PACRG: variants seen among roughly 807,000 people sequenced by gnomAD.
The protein encoded by PACRG is parkin coregulated gene protein.
In PACRG, 29 loss-of-function variants were observed where a neutral mutation model predicts 29.7. That is an observed-to-expected ratio of 0.98 (90% CI 0.73 to 1.33). The LOEUF is 1.33. PACRG is among the 40% of genes most tolerant of loss of function. The probability of loss-of-function intolerance (pLI) is 0.00; values close to 1 mark genes in which losing one functional copy is unlikely to be tolerated. For missense variants in PACRG, 279 were observed against 316.2 expected, an observed-to-expected ratio of 0.88 and a Z score of 0.89; for synonymous variants, 116 against 118.7, an observed-to-expected ratio of 0.98 and a Z score of 0.15.
chr6:163,292,575 A>ATTATTTATTTAT (rs1554242810), intron 4 of PACRG, among the ~76,000 whole-genome samples: 17,479 of 97,798 alleles, frequency 0.18, 1,120 homozygotes, highest in Middle Eastern at 0.27. Flanking sequence ...TAATTTATGT[A>ATTATTTATTTAT]TTATTTATTT....
chr6:163,262,874 C>G lies in PACRG; in HGVS notation c.614-51953C>G, dbSNP rs371667328. Among the ~76,000 whole-genome samples the G allele has an allele frequency of 1.3e-4, 19 of 148,334 alleles. No individual in the cohort carries two copies. In the East Asian group the frequency reaches 1.4e-3, roughly 11 times the overall value. On this transcript the variant is annotated intron_variant, in intron 4 of 4. Transcript: ENST00000366888. Reference sequence around the variant, plus strand: ...CTGGGCAACATAGTGAGACCCCCCCCCCCATGTCAACTAAAAATTTAAAAA... The same window carrying G: ...CTGGGCAACATAGTGAGACCCCCCCGCCCATGTCAACTAAAAATTTAAAAA...
At chr6:162,877,452 G>C (rs533488991) in intron 2 of PACRG, among the ~76,000 whole-genome samples, 1 of 152,088 alleles carries the variant, frequency 6.6e-6, no homozygotes, top group African/African-American at 2.4e-5. Flanking sequence ...GGGGGCTAGG[G>C]GAGGGATAGC....
rs1171918366 is a variant in PACRG, at chr6:162,895,097, A to AC, written c.291+80823dup. On this transcript the variant is annotated intron_variant, in intron 2 of 4. Coordinates refer to ENST00000366888, the MANE Select transcript of PACRG (RefSeq NM_001080379.2). Reference sequence around the variant, plus strand: ...GCAACATGGTGAGATCCCCGTCTCTACCCCCCCGCCCCCAAAAAAAAATTT... The same window carrying AC: ...GCAACATGGTGAGATCCCCGTCTCTACCCCCCCCGCCCCCAAAAAAAAATTT... 1.2e-3 allele frequency among the ~76,000 whole-genome samples: 166 copies of AC among 143,382 alleles called. 1 individual carries two copies. The highest frequency in any genetic ancestry group is 3.7e-3 in the African/African-American group (146 of 39,110). The allele number at this position is 143,382 out of a possible 152,430, so 94.1% of individuals were successfully genotyped here.
rs571360418 is a variant in PACRG, at chr6:162,944,594, A to C, written c.292-117556A>C. Among the ~76,000 whole-genome samples, 7 of 152,318 alleles carry C rather than the reference A, an allele frequency of 4.6e-5. No homozygotes were observed. The South Asian group carries it at 1.4e-3, about 32-fold the overall frequency. On this transcript the variant is annotated intron_variant, in intron 2 of 4. Transcript: ENST00000366888. ...ATAAATCAGAAAAGCAATTCAGGAT[A>C]TGAATAAGATGTTTACCAAAGAGAT...
intron 4 of PACRG, among the ~76,000 whole-genome samples, chr6:163,104,193 A>C (rs78011689): frequency 1.3e-5 from 2 of 152,342 alleles, no homozygotes; most frequent in African/African-American, 4.8e-5. Flanking sequence ...AGTGTTCAAT[A>C]ATATCTTGAG....
At chr6:162,822,730 A>G (rs891586642) in intron 2 of PACRG, among the ~76,000 whole-genome samples, 2 of 152,234 alleles carry the variant, frequency 1.3e-5, no homozygotes, top group East Asian at 3.8e-4. Context: ...TCTTGAAAAT[A>G]TAAAATTTCA....
intron 4 of PACRG, among the ~76,000 whole-genome samples, chr6:163,188,285 T>C (rs968177499): frequency 1.3e-5 from 2 of 152,218 alleles, no homozygotes; most frequent in African/African-American, 4.8e-5. Flanking sequence ...GTTTAGTCAG[T>C]ATCAAATTCA....
intron 4 of PACRG, among the ~76,000 whole-genome samples, chr6:163,265,631 A>G (rs1783506119): frequency 1.3e-5 from 2 of 152,182 alleles, no homozygotes; most frequent in Non-Finnish European, 2.9e-5. Context: ...AACCAAACCA[A>G]TTGTCCCACC....
At chr6:163,094,897 G>A (rs563134836) in intron 4 of PACRG, among the ~76,000 whole-genome samples, 11 of 152,228 alleles carry the variant, frequency 7.2e-5, no homozygotes, top group East Asian at 3.9e-4. Flanking sequence ...GCAAGCCCTC[G>A]GGAAATTATA....
At chr6:163,031,390 C>T (rs1433454268) in intron 2 of PACRG, among the ~76,000 whole-genome samples, 1 of 152,202 alleles carries the variant, frequency 6.6e-6, no homozygotes, top group East Asian at 1.9e-4. Flanking sequence ...ACCCATCCCT[C>T]TTGTTTCTTC....
At chr6:162,821,437 ATGT>A (rs1219524270) in intron 2 of PACRG, among the ~76,000 whole-genome samples, 1 of 152,202 alleles carries the variant, frequency 6.6e-6, no homozygotes, top group Admixed American at 6.5e-5. Flanking sequence ...GAAACAAGAA[ATGT>A]TGTAAGTTTC....
At chr6:162,761,996 A>T (rs1006758598) in intron 1 of PACRG, among the ~76,000 whole-genome samples, 1 of 145,118 alleles carries the variant, frequency 6.9e-6, no homozygotes, top group Admixed American at 7.0e-5. Flanking sequence ...CACTAAATTT[A>T]CATGTTATAA....
intron 2 of PACRG, among the ~76,000 whole-genome samples, chr6:162,983,982 A>T (rs1389559535): frequency 2.6e-5 from 4 of 151,942 alleles, no homozygotes; most frequent in Non-Finnish European, 5.9e-5. Flanking sequence ...TCCCAAATTT[A>T]TTGGAGGTTT....
chr6:163,000,246 A>C (rs913723142), intron 2 of PACRG, among the ~76,000 whole-genome samples: 3 of 152,216 alleles, frequency 2.0e-5, no homozygotes, highest in Admixed American at 6.5e-5. Flanking sequence ...GGCAGTGCCT[A>C]GTCCCTGAGA....
intron 2 of PACRG, among the ~76,000 whole-genome samples, chr6:162,819,537 G>C (rs1332681752): frequency 6.6e-6 from 1 of 152,070 alleles, no homozygotes; most frequent in East Asian, 1.9e-4. Context: ...ACCCAAAATG[G>C]ATCCAGTAAC....
At chr6:162,789,482 G>T (rs1311242222) in intron 1 of PACRG, among the ~76,000 whole-genome samples, 2 of 152,160 alleles carry the variant, frequency 1.3e-5, no homozygotes, top group South Asian at 4.2e-4. Context: ...ATCAAAGAAG[G>T]TTACTATAAA....
intron 4 of PACRG, among the ~76,000 whole-genome samples, chr6:163,289,911 C>T (rs970864254): frequency 2.7e-4 from 41 of 151,720 alleles, no homozygotes; most frequent in Non-Finnish European, 1.2e-4. Context: ...GCAGTGGTGC[C>T]ATCTCGGCTC....
intron 2 of PACRG, among the ~76,000 whole-genome samples, chr6:162,983,721 G>A (rs534301545): frequency 3.9e-5 from 6 of 152,046 alleles, no homozygotes; most frequent in African/African-American, 7.2e-5. Flanking sequence ...CTATGCTTTC[G>A]CTTCACAGCT....
In PACRG at chr6:162,966,475, G is replaced by GTT. The variant is rs1182136634; in HGVS notation, c.292-95674_292-95673insTT. On this transcript the variant is annotated intron_variant, in intron 2 of 4. Coordinates refer to ENST00000366888, the MANE Select transcript of PACRG (RefSeq NM_001080379.2). ...AAGATGTTAATGGAGGGAATGACAT[G>GTT]TATTTTTTTTTTTTTTTTTGAGGCG... 7.5e-3 allele frequency among the ~76,000 whole-genome samples: 744 copies of GTT among 98,944 alleles called. 7 individuals are homozygous for GTT. The highest frequency in any genetic ancestry group is 0.027 in the African/African-American group (673 of 25,088). 64.9% of individuals were successfully genotyped at this position (98,944 alleles called of 152,430 possible). A position where few individuals can be genotyped will look rare whatever the true frequency, so the allele number is the denominator to read the frequency against.
Sources: gnomAD v4.1 joint callset for allele counts (sites outside exome capture counted in the v4.1 genomes callset) on GRCh38, gnomAD v4.1.1 for gene constraint, MANE v1.5 for transcripts, NCBI Gene and HGNC (gene_info 2026-07-23, HGNC 2026-07-21) for gene names.